Variants in DEPDC5 observed in about 807,000 individuals in gnomAD.
DEPDC5 encodes the protein DEP domain containing 5, GATOR1 subcomplex subunit.
A neutral mutation model predicts 217.3 loss-of-function variants in DEPDC5; 73 were observed. The ratio of observed to expected loss-of-function variants is 0.34; its 90% CI spans 0.28 to 0.41. DEPDC5 has a LOEUF of 0.41. Among genes scored for constraint, DEPDC5 ranks in the 10% least tolerant of loss-of-function variants. The pLI is 1.00. For missense variants in DEPDC5, 1,675 were observed against 2,070.1 expected, an observed-to-expected ratio of 0.81 and a Z score of 3.70; for synonymous variants, 733 against 756.7, an observed-to-expected ratio of 0.97 and a Z score of 0.51.
chr22:31,902,435 T>TATATATAC (rs915603933), intron 41 of DEPDC5, among the ~76,000 whole-genome samples: 1 of 125,540 alleles, frequency 8.0e-6, no homozygotes, highest in Non-Finnish European at 1.7e-5. Context: ...TATATATATA[T>TATATATAC]ACTTATATAT....
intron 10 of DEPDC5, among the ~76,000 whole-genome samples, chr22:31,791,547 T>G (rs1316705190): frequency 6.6e-6 from 1 of 151,042 alleles, no homozygotes; most frequent in East Asian, 1.9e-4. Context: ...GGAGAATTGC[T>G]TGAACCTGGG....
chr22:31,888,477 C>CA (rs750789463), intron 38 of DEPDC5, among the ~76,000 whole-genome samples: 13 of 152,004 alleles, frequency 8.6e-5, no homozygotes, highest in Non-Finnish European at 1.6e-4. Context: ...GTCTCAAACT[C>CA]ATGACCTCAG....
chr22:31,840,626 A>G (rs2091334255), intron 27 of DEPDC5, among the ~76,000 whole-genome samples: 1 of 152,050 alleles, frequency 6.6e-6, no homozygotes, highest in Admixed American at 6.6e-5. Context: ...GCCTCATGTG[A>G]TGGTTAGTTG....
At chr22:31,836,873 T>A in intron 25 of DEPDC5, 99 bp from the exon 26 acceptor site, 1 of 1,186,838 alleles carries the variant, frequency 8.4e-7, no homozygotes, top group Non-Finnish European at 1.2e-6. Context: ...CACCCTGAAC[T>A]TTTTTCCCCA....
chr22:31,803,662 C>T (rs2087144573), intron 15 of DEPDC5, among the ~76,000 whole-genome samples: 1 of 151,952 alleles, frequency 6.6e-6, no homozygotes, highest in Non-Finnish European at 1.5e-5. Flanking sequence ...AGTAGAATTG[C>T]TTGAACCCAG....
intron 16 of DEPDC5, 145 bp downstream of exon 16, chr22:31,804,368 T>C: frequency 2.7e-6 from 2 of 736,224 alleles, no homozygotes; most frequent in East Asian, 2.7e-5. Flanking sequence ...GGAGTTTCGG[T>C]ATAGTTTGCT....
chr22:31,843,221 T>G lies in DEPDC5; in HGVS notation c.2633+9T>G, dbSNP rs2091505022. On this transcript the variant is annotated intron_variant, in intron 28 of 42. Coordinates refer to ENST00000651528, the MANE Select transcript of DEPDC5 (RefSeq NM_001242896.3). ...ACGCGATACCTTCCCAAGTGAGTAT[T>G]TGGATATTTAAAGTCTTCAGTTATT... 1 of 1,612,200 alleles carries G rather than the reference T, an allele frequency of 6.2e-7. No homozygotes were observed. Among genetic ancestry groups the G allele is most frequent in the Middle Eastern group, 1.7e-4 (1 of 6,054 alleles).
rs184912049 is a variant in DEPDC5, at chr22:31,793,561, T to C, written c.767+744T>C. On this transcript the variant is annotated intron_variant, in intron 12 of 42. Coordinates refer to ENST00000651528, the MANE Select transcript of DEPDC5 (RefSeq NM_001242896.3). ...CTGACCACAATATCATGATCATGTTTAACGTTATTATTATTATTATTATTT... is the reference window on the plus strand; with the variant it reads ...CTGACCACAATATCATGATCATGTTCAACGTTATTATTATTATTATTATTT... 2.3e-3 allele frequency among the ~76,000 whole-genome samples: 344 copies of C among 152,150 alleles called. 1 individual carries two copies. Among genetic ancestry groups the C allele is most frequent in the Non-Finnish European group, 2.6e-3 (175 of 68,002 alleles).
At chr22:31,867,633 A>G (rs2092723737) in intron 33 of DEPDC5, among the ~76,000 whole-genome samples, 1 of 152,218 alleles carries the variant, frequency 6.6e-6, no homozygotes, top group South Asian at 2.1e-4. Flanking sequence ...ATTCATTTAC[A>G]TATTGCCTGT....
intron 14 of DEPDC5, among the ~76,000 whole-genome samples, chr22:31,801,791 A>C (rs1001722553): frequency 6.6e-6 from 1 of 152,120 alleles, no homozygotes; most frequent in Non-Finnish European, 1.5e-5. Context: ...ACACATCACT[A>C]TGTATATCAT....
intron 7 of DEPDC5, among the ~76,000 whole-genome samples, chr22:31,774,204 C>A (rs920775259): frequency 8.4e-5 from 12 of 142,434 alleles, no homozygotes; most frequent in Non-Finnish European, 1.7e-4. Context: ...CACATTGTAA[C>A]TTTTTTTTTT....
At chr22:31,816,024 G>T (rs1032541439) in intron 21 of DEPDC5, 1 of 985,634 alleles carries the variant, frequency 1.0e-6, no homozygotes, top group South Asian at 4.7e-5. Context: ...TACCGGTCGG[G>T]CGCAGTGGCT....
At chr22:31,856,366 T>C (rs1450036482) in intron 31 of DEPDC5, among the ~76,000 whole-genome samples, 2 of 152,100 alleles carry the variant, frequency 1.3e-5, no homozygotes, top group Non-Finnish European at 1.5e-5. Context: ...AAGGCCATGG[T>C]GGAGGGGGCT....
chr22:31,876,961 T>G (rs1279568652), intron 37 of DEPDC5, among the ~76,000 whole-genome samples: 1 of 151,944 alleles, frequency 6.6e-6, no homozygotes, highest in Non-Finnish European at 1.5e-5. Flanking sequence ...AAGACCAACA[T>G]TGGGAAACCC....
In DEPDC5 at chr22:31,906,366, A is replaced by G. The variant is rs1157670540; in HGVS notation, c.4681A>G (p.Ser1561Gly). Reference protein sequence around the residue: ...NTMLTKTWRSSATGDEKFADR... With the variant: ...NTMLTKTWRSGATGDEKFADR... ...CATGCTCACCAAAACATGGCGCTCC[A>G]GCGCCACAGGGGATGAAAAGTTTGC... The change falls in exon 43 of 43, where the codon AGC (serine) becomes GGC (glycine). Residue 1561 changes from serine (S) to glycine (G), a missense_variant. Physicochemically the swap from Ser to Gly is moderately conservative, Grantham distance 56. Transcript: ENST00000651528. This position sits in a 1 kb window ranked among gnomAD's most constrained non-coding sequence, Gnocchi z 5.1. 6.2e-7 allele frequency: 1 copy of G among 1,614,100 alleles called. No individual in the cohort carries two copies. The highest frequency in any genetic ancestry group is 1.6e-4 in the Middle Eastern group (1 of 6,062).
intron 35 of DEPDC5, chr22:31,874,068 C>A: frequency 1.5e-6 from 1 of 665,136 alleles, no homozygotes; most frequent in Non-Finnish European, 2.3e-6. Flanking sequence ...GCTGGGATTA[C>A]AGGCGTGAGC....
intron 24 of DEPDC5, chr22:31,823,092 G>A (rs764088525): frequency 6.1e-6 from 2 of 326,330 alleles, no homozygotes; most frequent in East Asian, 1.4e-4. Flanking sequence ...AGCTGGAGTG[G>A]TCTGTGCTCT....
chr22:31,859,386 C>T (rs1482373009), intron 32 of DEPDC5, among the ~76,000 whole-genome samples: 5 of 144,158 alleles, frequency 3.5e-5, no homozygotes, highest in African/African-American at 1.1e-4. Flanking sequence ...CCACTGCGCC[C>T]GGCTTTTTTT....
At chr22:31,843,562 A>G in intron 28 of DEPDC5, 83 bp from the exon 29 acceptor site, 1 of 1,489,754 alleles carries the variant, frequency 6.7e-7, no homozygotes, top group Non-Finnish European at 9.1e-7. Flanking sequence ...GATGGTTCTA[A>G]GTGTATAGAG....
Sources: allele counts gnomAD v4.1 joint callset (sites outside exome capture counted in the v4.1 genomes callset), GRCh38; gene constraint gnomAD v4.1.1; non-coding constraint Gnocchi (gnomAD v3.1); transcripts MANE v1.5; gene names NCBI Gene and HGNC (gene_info 2026-07-23, HGNC 2026-07-21).